LRCH1: variants seen among roughly 807,000 people sequenced by gnomAD.
LRCH1 encodes leucine-rich repeat and calponin homology domain-containing protein 1.
Under a neutral mutation model 94.9 loss-of-function variants are expected in LRCH1, and 23 were observed. That is an observed-to-expected ratio of 0.24 (90% CI 0.17 to 0.34). LRCH1 has a LOEUF of 0.34. LRCH1 is among the 10% of genes least tolerant of loss of function. LRCH1 has a pLI of 1.00. For synonymous variants in LRCH1, 364 were observed against 354.9 expected, an observed-to-expected ratio of 1.03 and a Z score of -0.29; for missense variants, 790 against 945.9, an observed-to-expected ratio of 0.84 and a Z score of 2.16.
chr13:46,560,294 G>A (rs1308614820), intron 1 of LRCH1, among the ~76,000 whole-genome samples: 2 of 152,004 alleles, frequency 1.3e-5, no homozygotes, highest in African/African-American at 2.4e-5. Context: ...ATATAAGGTG[G>A]TTATGGGTTT....
At chr13:46,682,478 C>G (rs1277190394) in intron 4 of LRCH1, among the ~76,000 whole-genome samples, 1 of 152,144 alleles carries the variant, frequency 6.6e-6, no homozygotes, top group Non-Finnish European at 1.5e-5. Context: ...GGACTCAAGC[C>G]AGCCCGTCAC....
chr13:46,659,353 C>T (rs546570922), intron 2 of LRCH1, among the ~76,000 whole-genome samples: 54 of 152,096 alleles, frequency 3.6e-4, no homozygotes, highest in Non-Finnish European at 7.1e-4. Flanking sequence ...CCACCATGCC[C>T]GGCTAATTTT....
downstream of LRCH1, among the ~76,000 whole-genome samples, chr13:46,748,043 T>G (rs1261944720): frequency 6.6e-6 from 1 of 152,222 alleles, no homozygotes; most frequent in Non-Finnish European, 1.5e-5. Flanking sequence ...TACACATTGT[T>G]CCCTTTGTAA....
chr13:46,619,214 AT>A (rs1364960259), intron 1 of LRCH1, among the ~76,000 whole-genome samples: 2 of 151,710 alleles, frequency 1.3e-5, no homozygotes, highest in African/African-American at 2.4e-5. Flanking sequence ...GGTTCAAGTG[AT>A]TCTCATGCTT....
intron 19 of LRCH1, among the ~76,000 whole-genome samples, chr13:46,736,942 A>G (rs1873415280): frequency 6.6e-6 from 1 of 152,262 alleles, no homozygotes; most frequent in Non-Finnish European, 1.5e-5. Context: ...AGCAGTTTGT[A>G]TAATTTTTTC....
intron 17 of LRCH1, among the ~76,000 whole-genome samples, chr13:46,724,058 G>A (rs1187520774): frequency 2.0e-5 from 3 of 151,376 alleles, no homozygotes; most frequent in African/African-American, 4.9e-5. Context: ...GCATGATCTC[G>A]GCTCACTGCA....
chr13:46,652,834 G>T (rs1157094410), intron 2 of LRCH1, among the ~76,000 whole-genome samples: 1 of 152,120 alleles, frequency 6.6e-6, no homozygotes, highest in African/African-American at 2.4e-5. Context: ...AAACTTTTGG[G>T]TATAGATAAC....
chr13:46,611,567 G>GA (rs1278600439), intron 1 of LRCH1, among the ~76,000 whole-genome samples: 1 of 152,150 alleles, frequency 6.6e-6, no homozygotes, highest in East Asian at 1.9e-4. Flanking sequence ...GGAACAACTT[G>GA]AATATGTGAG....
chr13:46,579,356 T>C (rs909416776), intron 1 of LRCH1, among the ~76,000 whole-genome samples: 3 of 152,268 alleles, frequency 2.0e-5, no homozygotes, highest in African/African-American at 7.2e-5. Context: ...AAGTGTACCA[T>C]CTCAGAACTC....
At chr13:46,584,927 T>A (rs188912456) in intron 1 of LRCH1, among the ~76,000 whole-genome samples, 56 of 151,142 alleles carry the variant, frequency 3.7e-4, no homozygotes, top group Non-Finnish European at 6.9e-4. Context: ...GATGGAGAAA[T>A]GTATTTTGGT....
rs983305670 is a variant in LRCH1 at position 46,743,727 on chromosome 13, A to G, written c.*1879A>G. On this transcript the variant is annotated 3_prime_UTR_variant, in exon 20 of 20. Transcript: ENST00000389797. ...TGGTTTTTCCCTTCTTTCTGGGGAG[A>G]AAATGGGAAAAAAAAAAAGAAAACT... The G allele has an allele frequency of 1.2e-6, 1 of 858,696 alleles. No homozygotes were observed. 53.2% of individuals were successfully genotyped at this position (858,696 alleles called of 1,614,324 possible). A position where few individuals can be genotyped will look rare whatever the true frequency, so the allele number is the denominator to read the frequency against.
chr13:46,630,546 T>C (rs113202576), intron 1 of LRCH1, among the ~76,000 whole-genome samples: 73 of 152,338 alleles, frequency 4.8e-4, no homozygotes, highest in African/African-American at 1.7e-3. Flanking sequence ...TACTTTTTAT[T>C]TGAAGTTCCT....
At chr13:46,584,068 C>T (rs775681912) in intron 1 of LRCH1, among the ~76,000 whole-genome samples, 1 of 151,460 alleles carries the variant, frequency 6.6e-6, no homozygotes, top group Non-Finnish European at 1.5e-5. Flanking sequence ...TGGTTAAAGA[C>T]TGAAAACTTT....
chr13:46,620,001 G>A (rs2050862393), intron 1 of LRCH1, among the ~76,000 whole-genome samples: 1 of 152,050 alleles, frequency 6.6e-6, no homozygotes, highest in Non-Finnish European at 1.5e-5. Flanking sequence ...TTTTGGTTCG[G>A]CACTAATTTA....
At chr13:46,692,667 G>A (rs1359003391) in intron 8 of LRCH1, 26 bp downstream of exon 8, 38 of 1,565,334 alleles carry the variant, frequency 2.4e-5, no homozygotes, top group Non-Finnish European at 3.3e-5. Context: ...TGTGGAGAAA[G>A]TGCTTGTTTT....
At chr13:46,625,073 T>G (rs1261339648) in intron 1 of LRCH1, among the ~76,000 whole-genome samples, 1 of 152,246 alleles carries the variant, frequency 6.6e-6, no homozygotes, top group East Asian at 1.9e-4. Flanking sequence ...TACCTACCTA[T>G]GTACATTTGC....
chr13:46,598,695 G>A (rs1313310998), intron 1 of LRCH1, among the ~76,000 whole-genome samples: 1 of 152,028 alleles, frequency 6.6e-6, no homozygotes, highest in Admixed American at 6.6e-5. Flanking sequence ...CAGAACTTCC[G>A]GGATGGGCTT....
At chr13:46,600,075 AG>A (rs2050610028) in intron 1 of LRCH1, among the ~76,000 whole-genome samples, 1 of 152,220 alleles carries the variant, frequency 6.6e-6, no homozygotes, top group African/African-American at 2.4e-5. Flanking sequence ...CAGTAGAGAC[AG>A]GGTTTCACCA....
At chr13:46,557,757 C>A (rs1478149225) in intron 1 of LRCH1, among the ~76,000 whole-genome samples, 2 of 152,024 alleles carry the variant, frequency 1.3e-5, no homozygotes, top group African/African-American at 4.8e-5. Flanking sequence ...GTGGGAGAAT[C>A]ACTTGAACCC....
Sources: gnomAD v4.1 joint callset for allele counts (sites outside exome capture counted in the v4.1 genomes callset) on GRCh38, gnomAD v4.1.1 for gene constraint, MANE v1.5 for transcripts, NCBI Gene and HGNC (gene_info 2026-07-23, HGNC 2026-07-21) for gene names.